The following PLB1 variants were observed in gnomAD, a reference collection of about 807,000 sequenced individuals.
PLB1 encodes the protein phospholipase B1, membrane-associated.
In PLB1, 242 loss-of-function variants were observed where a neutral mutation model predicts 227.4. The observed-to-expected ratio is 1.06, with a 90% CI of 0.96 to 1.18. The LOEUF (loss-of-function observed/expected upper bound fraction) is 1.18. Among genes scored for constraint, PLB1 ranks in the 50% most tolerant of loss-of-function variants. The pLI, the probability that PLB1 is intolerant of heterozygous loss-of-function variation, is 0.00. For synonymous variants in PLB1, 757 were observed against 682.2 expected, an observed-to-expected ratio of 1.11 and a Z score of -1.71; for missense variants, 1,858 against 1,816.3, an observed-to-expected ratio of 1.02 and a Z score of -0.42.
chr2:28,563,217 G>A (rs114314054), intron 18 of PLB1, 118 bp downstream of exon 18: 15 of 1,007,572 alleles, frequency 1.5e-5, no homozygotes, highest in South Asian at 5.5e-5. Context: ...CTACCATCTC[G>A]GGTCCTGATC....
chr2:28,571,197 G>A (rs562415761), intron 20 of PLB1, among the ~76,000 whole-genome samples: 5 of 152,126 alleles, frequency 3.3e-5, no homozygotes, highest in South Asian at 2.1e-4. Context: ...ATATGAAAAT[G>A]AAATTAATTC....
chr2:28,640,297 A>G lies in PLB1; in HGVS notation c.4099-630A>G, dbSNP rs528684139. Among the ~76,000 whole-genome samples, 8 of 152,280 alleles carry G rather than the reference A, an allele frequency of 5.3e-5. No individual in the cohort carries two copies. The South Asian group carries it at 1.5e-3, about 28-fold the overall frequency. On this transcript the variant is annotated intron_variant, in intron 56 of 57. Coordinates refer to ENST00000327757, the MANE Select transcript of PLB1 (RefSeq NM_153021.5). ...GCTAAAAGGTGCCGGGGAGGGGGAT[A>G]CAGCAGCTCCCAGCTCATCCTCAGA... is the stretch of plus-strand genomic sequence containing the variant.
chr2:28,639,690 T>C (rs1689763948), intron 56 of PLB1, among the ~76,000 whole-genome samples: 1 of 152,240 alleles, frequency 6.6e-6, no homozygotes, highest in Non-Finnish European at 1.5e-5. Flanking sequence ...GTTCCTGGAA[T>C]AGCATCGGGA....
In PLB1 at chr2:28,543,195, A is replaced by C. The variant is rs141952944; in HGVS notation, c.880-17A>C. 2.1e-4 allele frequency: 333 copies of C among 1,603,576 alleles called. No homozygotes were observed. The African/African-American group carries it at 3.9e-3, about 19-fold the overall frequency. On this transcript the variant is annotated splice_polypyrimidine_tract_variant and intron_variant, in intron 13 of 57. Coordinates refer to ENST00000327757, the MANE Select transcript of PLB1 (RefSeq NM_153021.5). ...TGGGGAGACAAAAGGTCCCGCTGTC[A>C]ACTGGTTCTCTTTTAGGAGGACCCC...
intron 19 of PLB1, chr2:28,566,548 T>TC: frequency 2.0e-6 from 1 of 506,346 alleles, no homozygotes. Flanking sequence ...TACCTCCCCT[T>TC]CCCCAACATC....
rs1367948845 is a variant in PLB1, at chr2:28,496,149, T to C, written c.35T>C (p.Leu12Pro). ...CGGCCAGGCATTTTCCTCCTGGAGC[T>C]GCTGCTGCTTCTGGGGCAAGGTAAG... The part of the protein sequence containing the change: ...GLRPGIFLLE[L>P]LLLLGQGTPQ... Residue 12 changes from leucine (L) to proline (P), a missense_variant, in exon 1 of 58, where the codon CTG (leucine) becomes CCG (proline). By Grantham distance (98) the Leu-to-Pro change is moderately conservative. Coordinates refer to ENST00000327757, the MANE Select transcript of PLB1 (RefSeq NM_153021.5). The C allele has an allele frequency of 6.2e-7, 1 of 1,613,990 alleles. No homozygotes were observed.
At chr2:28,540,125 C>T (rs191049211) in intron 11 of PLB1, among the ~76,000 whole-genome samples, 2,669 of 147,842 alleles carry the variant, frequency 0.018, 43 homozygotes, top group Middle Eastern at 0.066. Context: ...GGAAGAACGT[C>T]CCTCCATCCA....
At chr2:28,573,343 C>A in intron 21 of PLB1, 38 bp downstream of exon 21, 1 of 1,481,630 alleles carries the variant, frequency 6.7e-7, no homozygotes, top group Non-Finnish European at 9.4e-7. Context: ...CAGCACAGGT[C>A]CTCTGAGGAC....
chr2:28,549,201 G>A (rs1210705459), intron 15 of PLB1, among the ~76,000 whole-genome samples: 1 of 152,138 alleles, frequency 6.6e-6, no homozygotes, highest in Admixed American at 6.6e-5. Context: ...TGCTGCCTCT[G>A]GGTCCTGGCC....
chr2:28,589,424 A>G (rs1339450864), intron 26 of PLB1, 26 bp from the exon 27 acceptor site: 5 of 1,560,766 alleles, frequency 3.2e-6, no homozygotes, highest in Non-Finnish European at 4.4e-6. Context: ...GGACTGCCTG[A>G]CATCTGTCCC....
intron 21 of PLB1, among the ~76,000 whole-genome samples, chr2:28,577,331 A>C (rs551846225): frequency 1.2e-4 from 19 of 152,296 alleles, no homozygotes; most frequent in African/African-American, 4.6e-4. Context: ...TCACTTTCAC[A>C]CTGTTAGCAA....
intron 1 of PLB1, among the ~76,000 whole-genome samples, chr2:28,511,269 A>G (rs1668226765): frequency 6.6e-6 from 1 of 152,108 alleles, no homozygotes; most frequent in African/African-American, 2.4e-5. Context: ...TTGAGATTTT[A>G]TGAGTCACAT....
chr2:28,613,929 C>A, intron 43 of PLB1, 102 bp from the exon 44 acceptor site: 1 of 932,598 alleles, frequency 1.1e-6, no homozygotes, highest in Non-Finnish European at 1.7e-6. Context: ...GCAGAAGAAT[C>A]ATGTTAAATA....
chr2:28,600,189 C>T (rs1683644633), intron 35 of PLB1, among the ~76,000 whole-genome samples: 1 of 152,174 alleles, frequency 6.6e-6, no homozygotes, highest in Non-Finnish European at 1.5e-5. Flanking sequence ...GGATTACAGG[C>T]GTGAGCCACC....
chr2:28,621,825 G>A (rs1324558913), intron 49 of PLB1, among the ~76,000 whole-genome samples: 2 of 152,064 alleles, frequency 1.3e-5, no homozygotes, highest in Non-Finnish European at 1.5e-5. Flanking sequence ...GGCTTTATGA[G>A]GTCATTATAG....
intron 9 of PLB1, among the ~76,000 whole-genome samples, chr2:28,536,746 A>T (rs1234070858): frequency 6.6e-6 from 1 of 152,198 alleles, no homozygotes; most frequent in Admixed American, 6.5e-5. Context: ...TTTATTATGT[A>T]TGACCTTATA....
chr2:28,607,103 C>T (rs1226064655), intron 43 of PLB1, among the ~76,000 whole-genome samples: 1 of 152,134 alleles, frequency 6.6e-6, no homozygotes, highest in Non-Finnish European at 1.5e-5. Flanking sequence ...ACGGCAGCTC[C>T]AGGCTCCTTT....
chr2:28,620,469 A>G lies in PLB1; in HGVS notation c.3384-131A>G, dbSNP rs907600551. 7 of 1,363,492 alleles carry G rather than the reference A, an allele frequency of 5.1e-6. No homozygotes were observed. The African/African-American group carries it at 7.3e-5, about 14-fold the overall frequency. 84.5% of individuals were successfully genotyped at this position (1,363,492 alleles called of 1,614,324 possible). ...CTGAGACAGGAGACTCAATGCTTGC[A>G]TTACCCCTGAGGGTGATGGGAGAGA... On this transcript the variant is annotated intron_variant, in intron 47 of 57. Transcript: ENST00000327757.
chr2:28,550,644 G>A (rs1163079429), intron 16 of PLB1, among the ~76,000 whole-genome samples: 3 of 147,892 alleles, frequency 2.0e-5, no homozygotes, highest in East Asian at 2.0e-4. Flanking sequence ...GGGTTCAAGC[G>A]ATTCTCCTGC....
Sources: allele counts gnomAD v4.1 joint callset (sites outside exome capture counted in the v4.1 genomes callset), GRCh38; gene constraint gnomAD v4.1.1; transcripts MANE v1.5; gene names NCBI Gene and HGNC (gene_info 2026-07-23, HGNC 2026-07-21).